MYL12B: variants seen among roughly 807,000 people sequenced by gnomAD.
The protein encoded by MYL12B is myosin light chain 12B, also known as myosin regulatory light chain 12B.
In MYL12B, 3 loss-of-function variants were observed where a neutral mutation model predicts 12.9. That is an observed-to-expected ratio of 0.23 (90% CI 0.11 to 0.60). The LOEUF is 0.60. MYL12B is among the 20% of genes least tolerant of loss of function. The pLI is 0.89. For synonymous variants in MYL12B, 57 were observed against 71.9 expected, an observed-to-expected ratio of 0.79 and a Z score of 1.05; for missense variants, 120 against 215.4, an observed-to-expected ratio of 0.56 and a Z score of 2.77.
chr18:3,266,786 G>A (rs2081638504), intron 1 of MYL12B, among the ~76,000 whole-genome samples: 1 of 152,146 alleles, frequency 6.6e-6, no homozygotes, highest in Non-Finnish European at 1.5e-5. Context: ...CATTTTAAAG[G>A]TCATCCTGGG....
intron 1 of MYL12B, among the ~76,000 whole-genome samples, chr18:3,270,844 A>T (rs867931139): frequency 2.0e-5 from 3 of 152,048 alleles, no homozygotes; most frequent in Non-Finnish European, 4.4e-5. Flanking sequence ...CTAATTTTTT[A>T]AATTTTTTGT....
intron 1 of MYL12B, among the ~76,000 whole-genome samples, chr18:3,265,825 G>A (rs149912585): frequency 6.6e-6 from 1 of 152,316 alleles, no homozygotes; most frequent in East Asian, 1.9e-4. Flanking sequence ...TAGGATGGTG[G>A]TGGTGGGAAT....
chr18:3,276,373 T>C (rs776933163), intron 2 of MYL12B: 137 of 970,954 alleles, frequency 1.4e-4, no homozygotes, highest in Non-Finnish European at 1.4e-4. Flanking sequence ...ACTCCCACCA[T>C]GTCTGGCCAT....
intron 2 of MYL12B, 93 bp downstream of exon 2, chr18:3,273,175 C>G: frequency 7.3e-7 from 1 of 1,375,384 alleles, no homozygotes; most frequent in African/African-American, 1.5e-5. Flanking sequence ...ATATTTCTCT[C>G]CTTGTCTCAA....
At chr18:3,262,702 T>G (rs944098924) in intron 1 of MYL12B, 1 of 152,286 alleles carries the variant, frequency 6.6e-6, no homozygotes, top group Non-Finnish European at 1.5e-5. Flanking sequence ...TGCCCAACAC[T>G]ATCCTAGATG....
chr18:3,272,806 T>C, intron 1 of MYL12B, 78 bp from the exon 2 acceptor site: 1 of 1,268,970 alleles, frequency 7.9e-7, no homozygotes, highest in South Asian at 2.2e-5. Context: ...CTACAGACTT[T>C]AGGTATTATG....
At chr18:3,268,350 T>G (rs2081650350) in intron 1 of MYL12B, among the ~76,000 whole-genome samples, 1 of 152,256 alleles carries the variant, frequency 6.6e-6, no homozygotes, top group South Asian at 2.1e-4. Flanking sequence ...TCTGTATGGC[T>G]ATTTTCTGTC....
At chr18:3,263,774 T>C (rs1309971557) in intron 1 of MYL12B, among the ~76,000 whole-genome samples, 1 of 152,216 alleles carries the variant, frequency 6.6e-6, no homozygotes, top group Admixed American at 6.5e-5. Context: ...TCATTGCTTG[T>C]TATGCCCAGG....
In MYL12B at chr18:3,278,122, A is replaced by T. The variant is rs1422315184; in HGVS notation, c.*185A>T. 1 of 567,398 alleles carries T rather than the reference A, an allele frequency of 1.8e-6. No individual in the cohort carries two copies. Among genetic ancestry groups the T allele is most frequent in the Non-Finnish European group, 2.9e-6 (1 of 345,018 alleles). 35.1% of individuals were successfully genotyped at this position (567,398 alleles called of 1,614,324 possible). A position where few individuals can be genotyped will look rare whatever the true frequency, so the allele number is the denominator to read the frequency against. ...TTGTATAATCAGACTGGAAATGGGG[A>T]TGAGGGTGTAAATTGTATTGAAAAA... On this transcript the variant is annotated 3_prime_UTR_variant, in exon 4 of 4. Transcript: ENST00000237500.
chr18:3,274,374 T>C (rs1254275883), intron 2 of MYL12B, among the ~76,000 whole-genome samples: 1 of 152,228 alleles, frequency 6.6e-6, no homozygotes, highest in African/African-American at 2.4e-5. Flanking sequence ...CAGAAACCCA[T>C]CCTTTTAAAG....
At chr18:3,273,860 T>TTTTTTC (rs1232535939) in intron 2 of MYL12B, among the ~76,000 whole-genome samples, 8 of 107,896 alleles carry the variant, frequency 7.4e-5, no homozygotes, top group East Asian at 2.2e-4. Flanking sequence ...GGTTTTTTTT[T>TTTTTTC]TCTCTCTTTT....
rs1376398730 is a variant in MYL12B, at chr18:3,271,453, C to T, written c.-15-1431C>T. 2.0e-5 allele frequency among the ~76,000 whole-genome samples: 3 copies of T among 152,100 alleles called. No individual in the cohort carries two copies. The East Asian group carries it at 5.8e-4, about 29-fold the overall frequency. ...AGACAATACATTTATATAAAAAATC[C>T]CAATACCAGAAGTCCTGGAGACTTA... On this transcript the variant is annotated intron_variant, in intron 1 of 3. Coordinates refer to ENST00000237500, the MANE Select transcript of MYL12B (RefSeq NM_033546.4).
chr18:3,276,937 A>G (rs2081736978), intron 2 of MYL12B: 1 of 983,434 alleles, frequency 1.0e-6, no homozygotes, highest in Non-Finnish European at 1.2e-6. Flanking sequence ...AAAAAAAAAA[A>G]AAATTAAGAT....
chr18:3,263,383 A>G (rs1047598283), intron 1 of MYL12B, among the ~76,000 whole-genome samples: 2 of 152,212 alleles, frequency 1.3e-5, no homozygotes, highest in Non-Finnish European at 1.5e-5. Context: ...GCGTTTTATA[A>G]CTGAGGAAAG....
intron 1 of MYL12B, among the ~76,000 whole-genome samples, chr18:3,265,426 A>G (rs920765282): frequency 9.2e-5 from 14 of 152,192 alleles, no homozygotes; most frequent in African/African-American, 2.9e-4. Flanking sequence ...CTTGGTGAAG[A>G]TGAGGTGGAG....
intron 2 of MYL12B, among the ~76,000 whole-genome samples, chr18:3,275,160 G>A (rs1046496703): frequency 6.6e-6 from 1 of 151,924 alleles, no homozygotes; most frequent in Non-Finnish European, 1.5e-5. Flanking sequence ...TCCTGTCATT[G>A]CAGCAACATG....
intron 1 of MYL12B, chr18:3,263,233 C>T (rs2081609066): frequency 6.6e-6 from 1 of 152,186 alleles, no homozygotes; most frequent in Non-Finnish European, 1.5e-5. Flanking sequence ...TCTTCACTAA[C>T]GGAGTAATAA....
intron 1 of MYL12B, among the ~76,000 whole-genome samples, chr18:3,271,834 A>T (rs2081681576): frequency 6.6e-6 from 1 of 151,754 alleles, no homozygotes; most frequent in African/African-American, 2.4e-5. Context: ...TGACATTTAA[A>T]TTATTGGTGG....
chr18:3,265,460 C>T (rs1355294572), intron 1 of MYL12B, among the ~76,000 whole-genome samples: 2 of 152,000 alleles, frequency 1.3e-5, no homozygotes, highest in Admixed American at 6.5e-5. Context: ...AGGTTTTAGC[C>T]CAAGAACTAC....
Sources: gnomAD v4.1 joint callset for allele counts (sites outside exome capture counted in the v4.1 genomes callset) on GRCh38, gnomAD v4.1.1 for gene constraint, MANE v1.5 for transcripts, NCBI Gene and HGNC (gene_info 2026-07-23, HGNC 2026-07-21) for gene names.